The following ZBTB7C variants were observed in gnomAD, a reference collection of about 807,000 sequenced individuals.
The protein encoded by ZBTB7C is zinc finger and BTB domain-containing protein 7C.
A neutral mutation model predicts 25.7 loss-of-function variants in ZBTB7C; 8 were observed. The observed-to-expected ratio is 0.31, with a 90% CI of 0.18 to 0.56. The LOEUF is 0.56. Ranked by LOEUF, ZBTB7C falls within the 20% of genes least tolerant of loss-of-function variation. The pLI is 0.91. For missense variants in ZBTB7C, 824 were observed against 855.2 expected (o/e 0.96, Z 0.46); for synonymous variants, 394 against 369.0 (o/e 1.07, Z -0.78).
At chr18:48,328,646 CA>C (rs2046278959) in intron 2 of ZBTB7C, among the ~76,000 whole-genome samples, 1 of 152,130 alleles carries the variant, frequency 6.6e-6, no homozygotes, top group African/African-American at 2.4e-5. Flanking sequence ...TGGTTGGCAG[CA>C]CACAGTGAGT....
At chr18:48,134,577 C>G (rs1441763016) in intron 3 of ZBTB7C, among the ~76,000 whole-genome samples, 3 of 152,194 alleles carry the variant, frequency 2.0e-5, no homozygotes, top group African/African-American at 7.2e-5. Context: ...CCAACAAGTC[C>G]TGTGAGTGTA....
intron 2 of ZBTB7C, among the ~76,000 whole-genome samples, chr18:48,218,619 C>G (rs952334526): frequency 3.9e-5 from 6 of 152,210 alleles, no homozygotes; most frequent in Non-Finnish European, 7.3e-5. Flanking sequence ...GATTTTTAAA[C>G]CACAAGTACA....
intron 3 of ZBTB7C, among the ~76,000 whole-genome samples, chr18:48,115,624 G>A (rs1351105072): frequency 6.6e-6 from 1 of 152,144 alleles, no homozygotes; most frequent in African/African-American, 2.4e-5. Context: ...CTGGCCACTT[G>A]AGTTGTTTCT....
At chr18:48,093,198 T>C (rs1005080192) in intron 3 of ZBTB7C, among the ~76,000 whole-genome samples, 1 of 152,060 alleles carries the variant, frequency 6.6e-6, no homozygotes, top group Non-Finnish European at 1.5e-5. Context: ...GCCCACAGAG[T>C]AGACTCAGCC....
chr18:48,337,641 G>A (rs971682164), intron 2 of ZBTB7C, among the ~76,000 whole-genome samples: 3 of 152,288 alleles, frequency 2.0e-5, no homozygotes, highest in Admixed American at 6.5e-5. Flanking sequence ...TGAAAGAATG[G>A]CAAGACAAAA....
At chr18:48,248,514 A>G (rs114388088) in intron 2 of ZBTB7C, among the ~76,000 whole-genome samples, 1,841 of 152,218 alleles carry the variant, frequency 0.012, 45 homozygotes, top group African/African-American at 0.041. Context: ...TGTCCTGAAC[A>G]CTAAATCTTT....
chr18:48,321,085 GTC>G (rs1312807806), intron 2 of ZBTB7C, among the ~76,000 whole-genome samples: 1 of 152,240 alleles, frequency 6.6e-6, no homozygotes, highest in Admixed American at 6.5e-5. Flanking sequence ...TGGTGCCTGA[GTC>G]TCACCCCACG....
rs561342145 is a variant in ZBTB7C at position 48,281,514 on chromosome 18, T to C, written c.-79+56660A>G. 2.2e-3 allele frequency among the ~76,000 whole-genome samples: 332 copies of C among 152,120 alleles called. 2 individuals carry two copies. Among genetic ancestry groups the C allele is most frequent in the African/African-American group, 7.7e-3 (318 of 41,470 alleles). On this transcript the variant is annotated intron_variant, in intron 2 of 4. Coordinates refer to ENST00000590800, the MANE Select transcript of ZBTB7C (RefSeq NM_001318841.2). ...ATAGCAAAAGAAACTACTATCAGAGTGAACAGGCAACCTACAAAATGGGAG... is the reference window on the plus strand; with the variant it reads ...ATAGCAAAAGAAACTACTATCAGAGCGAACAGGCAACCTACAAAATGGGAG...
At chr18:48,049,978 C>G (rs993579386) in intron 3 of ZBTB7C, among the ~76,000 whole-genome samples, 1 of 152,204 alleles carries the variant, frequency 6.6e-6, no homozygotes, top group Non-Finnish European at 1.5e-5. Flanking sequence ...CTCCCATGCC[C>G]AGGCCTGGAG....
chr18:48,055,324 C>T (rs2036868512), intron 3 of ZBTB7C, among the ~76,000 whole-genome samples: 1 of 148,816 alleles, frequency 6.7e-6, no homozygotes, highest in South Asian at 2.1e-4. Flanking sequence ...GCAGGAGAAT[C>T]GCTGGAACCC....
intron 2 of ZBTB7C, among the ~76,000 whole-genome samples, chr18:48,205,824 T>A (rs1342150445): frequency 6.6e-6 from 1 of 152,126 alleles, no homozygotes; most frequent in African/African-American, 2.4e-5. Context: ...TAGGGATCCC[T>A]GGCCATTAGT....
At position 48,116,566 on chromosome 18, in the gene ZBTB7C, C is replaced by T. The variant is rs547429240; in HGVS notation, c.-17+69368G>A. On this transcript the variant is annotated intron_variant, in intron 3 of 4. Coordinates refer to ENST00000590800, the MANE Select transcript of ZBTB7C (RefSeq NM_001318841.2). ...TCTCTAAGCCAATCGCACGGGGGTC[C>T]GCCAGTTGCCGGCTTTCCTACCGCT... 3.9e-5 allele frequency among the ~76,000 whole-genome samples: 6 copies of T among 152,214 alleles called. No individual in the cohort carries two copies. In the East Asian group the frequency reaches 5.8e-4, roughly 15 times the overall value.
intron 2 of ZBTB7C, among the ~76,000 whole-genome samples, chr18:48,289,199 AC>A (rs1262050803): frequency 1.2e-4 from 18 of 152,302 alleles, no homozygotes; most frequent in African/African-American, 4.3e-4. Flanking sequence ...ACAATATCAA[AC>A]TAAATAATAA....
chr18:48,250,610 C>T lies in ZBTB7C; in HGVS notation c.-78-64615G>A, dbSNP rs185115739. On this transcript the variant is annotated intron_variant, in intron 2 of 4. Transcript: ENST00000590800. Reference sequence around the variant, plus strand: ...TCCCAAACTTGGAATGGGACAGAACCTTTTTGCATGATGTAATTTCCAAGC... The same window carrying T: ...TCCCAAACTTGGAATGGGACAGAACTTTTTTGCATGATGTAATTTCCAAGC... Among the ~76,000 whole-genome samples the T allele has an allele frequency of 3.3e-5, 5 of 152,182 alleles. No homozygotes were observed. The East Asian group carries it at 9.7e-4, about 30-fold the overall frequency.
At chr18:48,192,827 A>G (rs1401344035) in intron 2 of ZBTB7C, among the ~76,000 whole-genome samples, 2 of 152,246 alleles carry the variant, frequency 1.3e-5, no homozygotes, top group Non-Finnish European at 2.9e-5. Context: ...AATGTGCCAC[A>G]CTAATGCCAG....
intron 3 of ZBTB7C, among the ~76,000 whole-genome samples, chr18:48,134,489 C>T (rs1325652892): frequency 5.3e-5 from 8 of 151,874 alleles, no homozygotes; most frequent in African/African-American, 9.7e-5. Context: ...GTCCTAAAAC[C>T]GCCCCGGAAG....
chr18:48,368,201 C>T (rs1401766399), intron 1 of ZBTB7C, among the ~76,000 whole-genome samples: 3 of 148,718 alleles, frequency 2.0e-5, no homozygotes, highest in Non-Finnish European at 4.4e-5. Flanking sequence ...AAGCCAGCAA[C>T]TCTGAACCTG....
intron 1 of ZBTB7C, among the ~76,000 whole-genome samples, chr18:48,387,354 T>A (rs937156884): frequency 6.6e-6 from 1 of 152,178 alleles, no homozygotes; most frequent in Non-Finnish European, 1.5e-5. Flanking sequence ...AGGAATGTAC[T>A]GCATTAATCT....
chr18:48,276,111 G>T (rs528780126), intron 2 of ZBTB7C, among the ~76,000 whole-genome samples: 38 of 152,112 alleles, frequency 2.5e-4, no homozygotes, highest in African/African-American at 9.2e-4. Flanking sequence ...CAGTAAAAAG[G>T]CCTCAGATTT....
Sources: gnomAD v4.1 joint callset for allele counts (sites outside exome capture counted in the v4.1 genomes callset) on GRCh38, gnomAD v4.1.1 for gene constraint, MANE v1.5 for transcripts, NCBI Gene and HGNC (gene_info 2026-07-23, HGNC 2026-07-21) for gene names.